TTC27: variants seen among roughly 807,000 people sequenced by gnomAD.
The protein encoded by TTC27 is tetratricopeptide repeat protein 27.
Under a neutral mutation model 115.9 loss-of-function variants are expected in TTC27, and 79 were observed. That is an observed-to-expected ratio of 0.68 (90% CI 0.57 to 0.82). The LOEUF is 0.82. TTC27 is among the 40% of genes least tolerant of loss of function. The pLI, the probability that TTC27 is intolerant of heterozygous loss-of-function variation, is 0.00. For missense variants in TTC27, 1,054 were observed against 993.1 expected (o/e 1.06, Z -0.82); for synonymous variants, 401 against 356.0 (o/e 1.13, Z -1.42).
chr2:32,789,614 C>T (rs533060309), intron 16 of TTC27, among the ~76,000 whole-genome samples: 3 of 152,024 alleles, frequency 2.0e-5, no homozygotes, highest in African/African-American at 7.2e-5. Flanking sequence ...ATTTTAAGAA[C>T]ATTTGCTTAG....
At chr2:32,791,284 T>G (rs1670525789) in intron 16 of TTC27, among the ~76,000 whole-genome samples, 1 of 152,220 alleles carries the variant, frequency 6.6e-6, no homozygotes, top group Non-Finnish European at 1.5e-5. Context: ...TTTCCTTTTC[T>G]TCCTTTTTTG....
chr2:32,643,398 T>G (rs1292371736), intron 4 of TTC27, among the ~76,000 whole-genome samples: 1 of 150,590 alleles, frequency 6.6e-6, no homozygotes, highest in Admixed American at 6.6e-5. Context: ...CTCTGCCTCC[T>G]GGGTTCAAGT....
chr2:32,766,281 A>G (rs1042088934), intron 13 of TTC27, among the ~76,000 whole-genome samples: 1 of 152,222 alleles, frequency 6.6e-6, no homozygotes, highest in Admixed American at 6.5e-5. Context: ...ATCACCTGAT[A>G]CATTTATCAT....
intron 12 of TTC27, among the ~76,000 whole-genome samples, chr2:32,751,940 A>C (rs6710626): frequency 0.13 from 20,274 of 152,214 alleles, 1,664 homozygotes; most frequent in Middle Eastern, 0.26. Context: ...AATGTTATAC[A>C]TATCAAGTTT....
intron 10 of TTC27, among the ~76,000 whole-genome samples, chr2:32,706,282 C>T (rs895288872): frequency 1.3e-5 from 2 of 150,408 alleles, no homozygotes; most frequent in Non-Finnish European, 3.0e-5. Context: ...GGGGTTTCAC[C>T]GTGTTGGCCA....
chr2:32,647,070 G>A (rs1664892841), intron 4 of TTC27, among the ~76,000 whole-genome samples: 2 of 150,332 alleles, frequency 1.3e-5, no homozygotes, highest in South Asian at 4.2e-4. Context: ...TTAAACTCCT[G>A]AGTAGCTAGG....
chr2:32,804,757 A>G (rs1671073742), intron 16 of TTC27, among the ~76,000 whole-genome samples: 2 of 152,002 alleles, frequency 1.3e-5, no homozygotes, highest in South Asian at 4.1e-4. Context: ...CAGTTTATAT[A>G]GTATTATAAT....
Position 32,733,913 on chromosome 2 carries a change from GGGC to G in TTC27, c.1320_1322del (p.Trp440_Ala441delinsCys). ...TATTGCTGTCAAGTACCACCTCACT[GGGC>G]CATTCAGGTATTTCTGTTGTTTGTC... On this transcript the variant is annotated inframe_deletion, in exon 11 of 20. Coordinates refer to ENST00000317907, the MANE Select transcript of TTC27 (RefSeq NM_017735.5). 1 of 1,608,990 alleles carries G rather than the reference GGGC, an allele frequency of 6.2e-7. No individual in the cohort carries two copies. Among genetic ancestry groups the G allele is most frequent in the Non-Finnish European group, 8.5e-7 (1 of 1,176,984 alleles).
chr2:32,760,594 G>C (rs1669401751), intron 13 of TTC27, among the ~76,000 whole-genome samples: 1 of 151,952 alleles, frequency 6.6e-6, no homozygotes, highest in Non-Finnish European at 1.5e-5. Flanking sequence ...CGGCGGGGAG[G>C]GGTTGGTTTT....
chr2:32,640,441 T>G, intron 4 of TTC27, 31 bp downstream of exon 4: 1 of 1,603,972 alleles, frequency 6.2e-7, no homozygotes, highest in Admixed American at 1.7e-5. Context: ...ATTCATACCC[T>G]GGTATGACTT....
chr2:32,653,584 A>T (rs1313656394), intron 5 of TTC27, among the ~76,000 whole-genome samples: 1 of 140,876 alleles, frequency 7.1e-6, no homozygotes. Flanking sequence ...ACAGAGTGAG[A>T]CTCCATCTCA....
At chr2:32,704,755 C>A in intron 10 of TTC27, 1 of 417,906 alleles carries the variant, frequency 2.4e-6, no homozygotes, top group South Asian at 1.8e-5. Context: ...ATTTTGGAGA[C>A]TGCCCTTCAG....
At chr2:32,693,100 ATAAT>A (rs1158931375) in intron 9 of TTC27, among the ~76,000 whole-genome samples, 1 of 152,206 alleles carries the variant, frequency 6.6e-6, no homozygotes, top group Admixed American at 6.5e-5. Flanking sequence ...ATTAACCTAC[ATAAT>A]TAATACAATC....
intron 13 of TTC27, among the ~76,000 whole-genome samples, chr2:32,774,081 G>A (rs7562791): frequency 0.82 from 124,642 of 152,154 alleles, 51,127 homozygotes; most frequent in Middle Eastern, 0.9. Flanking sequence ...GATATAAAAT[G>A]TCTCAATAAC....
intron 12 of TTC27, among the ~76,000 whole-genome samples, chr2:32,755,629 C>CGGAGAG (rs142995506): frequency 0.73 from 110,110 of 150,322 alleles, 40,451 homozygotes; most frequent in South Asian, 0.81. Context: ...CGTGGGGAGA[C>CGGAGAG]GGAGAGGGAG....
At chr2:32,655,288 C>G (rs902507508) in intron 5 of TTC27, among the ~76,000 whole-genome samples, 22 of 152,040 alleles carry the variant, frequency 1.4e-4, no homozygotes, top group Non-Finnish European at 2.9e-4. Context: ...CTGTGCCTGG[C>G]CCGCCTGGCT....
intron 1 of TTC27, 109 bp downstream of exon 1, chr2:32,628,489 C>G (rs2063529073): frequency 8.9e-7 from 1 of 1,129,580 alleles, no homozygotes; most frequent in Admixed American, 3.3e-5. Flanking sequence ...CACAGTCTAG[C>G]TGATTCCTTG....
intron 10 of TTC27, among the ~76,000 whole-genome samples, chr2:32,726,087 A>G (rs1362319406): frequency 6.6e-6 from 1 of 151,854 alleles, no homozygotes; most frequent in Non-Finnish European, 1.5e-5. Context: ...CCGGCCCACA[A>G]AACCACTCTT....
In TTC27 at chr2:32,648,401, A is replaced by C. The variant is rs576533866; in HGVS notation, c.538-1730A>C. On this transcript the variant is annotated intron_variant, in intron 4 of 19. Transcript: ENST00000317907. ...CACCTCGGCCTCCCATAGTGCTAGG[A>C]CTACAGGTGTGAACCACTGCACCTG... is the stretch of plus-strand genomic sequence containing the variant. 9.0e-4 allele frequency among the ~76,000 whole-genome samples: 135 copies of C among 149,360 alleles called. 1 individual carries two copies. Among genetic ancestry groups the C allele is most frequent in the Middle Eastern group, 3.5e-3 (1 of 282 alleles).
Sources: gnomAD v4.1 joint callset for allele counts (sites outside exome capture counted in the v4.1 genomes callset) on GRCh38, gnomAD v4.1.1 for gene constraint, MANE v1.5 for transcripts, NCBI Gene and HGNC (gene_info 2026-07-23, HGNC 2026-07-21) for gene names.